Variants in AIDA observed in about 807,000 individuals in gnomAD.
AIDA encodes the protein axin interactor, dorsalization-associated protein.
A neutral mutation model predicts 42.7 loss-of-function variants in AIDA; 18 were observed. The observed-to-expected ratio is 0.42, with a 90% CI of 0.29 to 0.63. The LOEUF (loss-of-function observed/expected upper bound fraction) is 0.63. Among genes scored for constraint, AIDA ranks in the 20% least tolerant of loss-of-function variants. The pLI, the probability that AIDA is intolerant of heterozygous loss-of-function variation, is 0.19. For synonymous variants in AIDA, 104 were observed against 122.9 expected (o/e 0.85, Z 1.02); for missense variants, 250 against 354.1 (o/e 0.71, Z 2.36).
At chr1:222,679,787 T>C (rs1459135952) in intron 6 of AIDA, among the ~76,000 whole-genome samples, 3 of 152,216 alleles carry the variant, frequency 2.0e-5, no homozygotes, top group Non-Finnish European at 4.4e-5. Context: ...CATCTCAAGG[T>C]CCTTCACATA....
At chr1:222,681,283 A>G (rs572042582) in intron 6 of AIDA, among the ~76,000 whole-genome samples, 11 of 152,348 alleles carry the variant, frequency 7.2e-5, no homozygotes, top group African/African-American at 2.2e-4. Context: ...TGCTGCTATC[A>G]AAATTCTCAC....
intron 4 of AIDA, among the ~76,000 whole-genome samples, chr1:222,690,323 T>G (rs1655337551): frequency 6.6e-6 from 1 of 152,356 alleles, no homozygotes; most frequent in African/African-American, 2.4e-5. Flanking sequence ...GACCAATCTG[T>G]ATTTCAATGA....
intron 4 of AIDA, among the ~76,000 whole-genome samples, 153 bp from the exon 5 acceptor site, chr1:222,687,811 G>A (rs1227132527): frequency 2.0e-5 from 3 of 152,048 alleles, no homozygotes; most frequent in Non-Finnish European, 4.4e-5. Context: ...CAGTACATTT[G>A]TCCACTGAAG....
intron 1 of AIDA, among the ~76,000 whole-genome samples, chr1:222,706,595 G>C (rs984518112): frequency 6.6e-6 from 1 of 152,138 alleles, no homozygotes. Context: ...CACCCGGCAT[G>C]TGGTGGCTCA....
At chr1:222,707,890 T>C (rs1046029407) in intron 1 of AIDA, among the ~76,000 whole-genome samples, 3 of 152,254 alleles carry the variant, frequency 2.0e-5, no homozygotes, top group African/African-American at 7.2e-5. Flanking sequence ...GGATGTCAAA[T>C]TGCTATAAAG....
chr1:222,710,814 A>G (rs570883856), intron 1 of AIDA, among the ~76,000 whole-genome samples: 1 of 152,334 alleles, frequency 6.6e-6, no homozygotes, highest in East Asian at 1.9e-4. Flanking sequence ...TCGTAAAATG[A>G]GAATAATTAT....
chr1:222,692,952 C>T (rs1655408264), intron 4 of AIDA, among the ~76,000 whole-genome samples: 1 of 152,122 alleles, frequency 6.6e-6, no homozygotes, highest in Non-Finnish European at 1.5e-5. Context: ...AACAACCAAC[C>T]TAGTCCAACA....
chr1:222,700,987 G>C (rs1655680983), intron 2 of AIDA, among the ~76,000 whole-genome samples: 1 of 136,658 alleles, frequency 7.3e-6, no homozygotes, highest in Non-Finnish European at 1.6e-5. Context: ...GGGGGGGACA[G>C]GGTCTCACTG....
intron 8 of AIDA, 125 bp from the exon 9 acceptor site, chr1:222,670,375 G>A (rs767132557): frequency 1.4e-6 from 1 of 730,500 alleles, no homozygotes; most frequent in Non-Finnish European, 2.3e-6. Context: ...AACAACTTGT[G>A]CCAGTCTCAA....
intron 6 of AIDA, among the ~76,000 whole-genome samples, chr1:222,680,167 C>A (rs1398842524): frequency 6.6e-6 from 1 of 152,152 alleles, no homozygotes; most frequent in Non-Finnish European, 1.5e-5. Flanking sequence ...CTATGCAGCC[C>A]CTATAGCAAT....
At chr1:222,687,104 C>A in intron 5 of AIDA, 68 bp from the exon 6 acceptor site, 1 of 1,560,766 alleles carries the variant, frequency 6.4e-7, no homozygotes, top group Non-Finnish European at 8.7e-7. Flanking sequence ...GCCTCACAGA[C>A]ACTCGTTTCC....
intron 4 of AIDA, among the ~76,000 whole-genome samples, chr1:222,689,582 C>T (rs183092244): frequency 0.039 from 2,200 of 56,076 alleles, 66 homozygotes; most frequent in African/African-American, 0.087. Context: ...TATATATATA[C>T]ACACACACAC....
intron 6 of AIDA, among the ~76,000 whole-genome samples, chr1:222,684,985 G>A (rs1441468091): frequency 6.6e-6 from 1 of 152,128 alleles, no homozygotes; most frequent in African/African-American, 2.4e-5. Flanking sequence ...TCGAGTCAGT[G>A]AAACAGCAAA....
chr1:222,705,928 A>G (rs569847885), intron 1 of AIDA, among the ~76,000 whole-genome samples: 5 of 152,306 alleles, frequency 3.3e-5, no homozygotes, highest in Admixed American at 6.5e-5. Context: ...TGCAAATCAT[A>G]TATCTGATAA....
chr1:222,684,305 T>C (rs969197481), intron 6 of AIDA, among the ~76,000 whole-genome samples: 1 of 151,984 alleles, frequency 6.6e-6, no homozygotes, highest in African/African-American at 2.4e-5. Flanking sequence ...AGAGACGGGG[T>C]TTCACCATGT....
intron 2 of AIDA, among the ~76,000 whole-genome samples, chr1:222,701,496 T>A (rs1655704024): frequency 6.6e-6 from 1 of 152,200 alleles, no homozygotes; most frequent in Admixed American, 6.5e-5. Context: ...TATCTGTGAT[T>A]CTGTTTATCA....
At chr1:222,697,348 G>A (rs892050222) in intron 2 of AIDA, among the ~76,000 whole-genome samples, 2 of 143,096 alleles carry the variant, frequency 1.4e-5, no homozygotes, top group African/African-American at 4.9e-5. Context: ...TATTAAAAAA[G>A]GAGTGGAACA....
intron 6 of AIDA, among the ~76,000 whole-genome samples, chr1:222,684,837 A>G (rs1009979200): frequency 4.6e-5 from 7 of 152,312 alleles, no homozygotes; most frequent in African/African-American, 1.7e-4. Context: ...TAATCTGCCC[A>G]CTTCATGATT....
At chr1:222,670,362 C>G (rs1664424585) in intron 8 of AIDA, 112 bp from the exon 9 acceptor site, 3 of 810,882 alleles carry the variant, frequency 3.7e-6, no homozygotes, top group Non-Finnish European at 4.0e-6. Context: ...CATAATTTGA[C>G]AAAACAACTT....
Sources: gnomAD v4.1 joint callset for allele counts (sites outside exome capture counted in the v4.1 genomes callset) on GRCh38, gnomAD v4.1.1 for gene constraint, MANE v1.5 for transcripts, NCBI Gene and HGNC (gene_info 2026-07-23, HGNC 2026-07-21) for gene names.